The following LRIG1 variants were observed in gnomAD, a reference collection of about 807,000 sequenced individuals.
LRIG1 encodes leucine rich repeats and immunoglobulin like domains 1.
In LRIG1, 48 loss-of-function variants were observed where a neutral mutation model predicts 99.2. The ratio of observed to expected loss-of-function variants is 0.48; its 90% confidence interval spans 0.38 to 0.62. The LOEUF (loss-of-function observed/expected upper bound fraction) is 0.62. Among genes scored for constraint, LRIG1 ranks in the 20% least tolerant of loss-of-function variants. The pLI, the probability that LRIG1 is intolerant of heterozygous loss-of-function variation, is 0.00. For synonymous variants in LRIG1, 772 were observed against 596.1 expected (o/e 1.29, Z -4.30); for missense variants, 1,646 against 1,434.4 (o/e 1.15, Z -2.38).
At chr3:66,439,601 A>C (rs1703476323) in intron 3 of LRIG1, among the ~76,000 whole-genome samples, 1 of 151,924 alleles carries the variant, frequency 6.6e-6, no homozygotes, top group African/African-American at 2.4e-5. Flanking sequence ...TTACTTTTGA[A>C]GTTATAAAGA....
chr3:66,444,922 T>C (rs1009588441), intron 3 of LRIG1, among the ~76,000 whole-genome samples: 20 of 151,710 alleles, frequency 1.3e-4, no homozygotes, highest in African/African-American at 4.6e-4. Flanking sequence ...TATATACATA[T>C]ATATACATAT....
At chr3:66,447,277 A>C (rs773921134) in intron 3 of LRIG1, among the ~76,000 whole-genome samples, 14 of 152,198 alleles carry the variant, frequency 9.2e-5, no homozygotes, top group Non-Finnish European at 2.1e-4. Context: ...TATTGGCTAT[A>C]GTCACCCTGT....
chr3:66,380,589 G>A lies in LRIG1; in HGVS notation c.3043C>T (p.Leu1015=), dbSNP rs1700984976. ...AGTCAAAAGTTACCTTTCCCATCTAGAGATGCCATTGGCTTTTTCTTCACA... is the reference window on the plus strand; with the variant it reads ...AGTCAAAAGTTACCTTTCCCATCTAAAGATGCCATTGGCTTTTTCTTCACA... ...TAVKKKPMAS[L]DGKGDSSWTL... The change falls in exon 18 of 19, where the codon CTA becomes TTA. Residue 1015 remains leucine (L), a synonymous_variant. Transcript: ENST00000273261. The A allele has an allele frequency of 4.3e-6, 7 of 1,613,858 alleles. No individual in the cohort carries two copies. Among genetic ancestry groups the A allele is most frequent in the Non-Finnish European group, 5.9e-6 (7 of 1,179,766 alleles).
In LRIG1 at chr3:66,382,377, T is replaced by A. The variant is rs745720211; in HGVS notation, c.2513A>T (p.Asp838Val). 6.2e-7 allele frequency: 1 copy of A among 1,614,180 alleles called. No homozygotes were observed. Among genetic ancestry groups the A allele is most frequent in the Non-Finnish European group, 8.5e-7 (1 of 1,180,026 alleles). ...TNTDETVVPPDVPSYLSSQGT... is the reference protein window; with the variant it reads ...TNTDETVVPPVVPSYLSSQGT... ...CTGAGAAGAGAGGTAGCTTGGAACA[T>A]CTGGTGGCACGACGGTTTCATCTGC... Residue 838 changes from aspartate (D) to valine (V), a missense_variant, in exon 16 of 19, where the codon GAT becomes GTT. Physicochemically the swap from Asp to Val is radical, Grantham distance 152 (BLOSUM62 -3). Transcript: ENST00000273261.
chr3:66,435,277 G>T (rs368598014), intron 3 of LRIG1, among the ~76,000 whole-genome samples: 20 of 152,092 alleles, frequency 1.3e-4, no homozygotes, highest in Non-Finnish European at 1.6e-4. Flanking sequence ...AACCAGGGGG[G>T]GCTAGGCATG....
At chr3:66,402,171 GCATACC>G (rs1326156260) in intron 9 of LRIG1, among the ~76,000 whole-genome samples, 4 of 152,180 alleles carry the variant, frequency 2.6e-5, no homozygotes, top group African/African-American at 9.7e-5. Flanking sequence ...GCAGGAAGTC[GCATACC>G]CAGGTCACTA....
intron 12 of LRIG1, among the ~76,000 whole-genome samples, chr3:66,389,976 T>C (rs531694044): frequency 1.3e-5 from 2 of 152,196 alleles, no homozygotes; most frequent in African/African-American, 4.8e-5. Context: ...TTGAAGAAAA[T>C]TGGGTGCCCT....
At position 66,394,325 on chromosome 3, in the gene LRIG1, G is replaced by A. The variant is rs1395588763; in HGVS notation, c.1305-122C>T. Reference sequence around the variant, plus strand: ...CAAGTGAACATCAGCAAGCTGGAAGGGGGAAATGGTTTTTCTCACACTTCC... The same window carrying A: ...CAAGTGAACATCAGCAAGCTGGAAGAGGGAAATGGTTTTTCTCACACTTCC... On this transcript the variant is annotated intron_variant, in intron 11 of 18. Transcript: ENST00000273261. 9.7e-6 allele frequency: 8 copies of A among 824,388 alleles called. No individual in the cohort carries two copies. The African/African-American group carries it at 1.2e-4, about 13-fold the overall frequency. The allele number at this position is 824,388 out of a possible 1,614,324, so 51.1% of individuals were successfully genotyped here.
chr3:66,442,346 C>T (rs1253726737), intron 3 of LRIG1, among the ~76,000 whole-genome samples: 1 of 152,170 alleles, frequency 6.6e-6, no homozygotes. Flanking sequence ...GGTCACCACA[C>T]AGGTCAAAGT....
chr3:66,384,148 C>G lies in LRIG1; in HGVS notation c.1914G>C (p.Thr638=). The part of the protein sequence containing the change: ...PQIAWQKDGG[T]DFPAARERRM... Reference sequence around the variant, plus strand: ...GTCGCTCACGGGCAGCGGGGAAATCCGTGCCTCCATCCTTCTGCCAGGCAA... The same window carrying G: ...GTCGCTCACGGGCAGCGGGGAAATCGGTGCCTCCATCCTTCTGCCAGGCAA... The change falls in exon 14 of 19, where the codon ACG becomes ACC. Residue 638 remains threonine (T), a synonymous_variant. Transcript: ENST00000273261. 1 of 1,614,204 alleles carries G rather than the reference C, an allele frequency of 6.2e-7. No homozygotes were observed. Among genetic ancestry groups the G allele is most frequent in the Non-Finnish European group, 8.5e-7 (1 of 1,180,036 alleles).
At chr3:66,486,178 TAAC>T (rs1559823744) in intron 1 of LRIG1, among the ~76,000 whole-genome samples, 1 of 152,180 alleles carries the variant, frequency 6.6e-6, no homozygotes, top group African/African-American at 2.4e-5. Flanking sequence ...GTTATAATAA[TAAC>T]ATTATAGCTA....
intron 1 of LRIG1, among the ~76,000 whole-genome samples, chr3:66,499,179 A>C (rs149951748): frequency 7.2e-6 from 1 of 138,362 alleles, no homozygotes; most frequent in East Asian, 2.2e-4. Context: ...AAGTAAAAGA[A>C]GACTATTCTA....
At position 66,407,485 on chromosome 3, in the gene LRIG1, C is replaced by T. The variant is rs1234259238; in HGVS notation, c.942G>A (p.Leu314=). The part of the protein sequence containing the change: ...SFCQKLHELV[L]SFNNLTRLDE... ...CCAGCCGTGTCAGGTTGTTGAAGGA[C>T]AGGACCCTGAGGAAAGGGAGGGCAG... The change falls in exon 8 of 19, where the codon CTG becomes CTA. Residue 314 remains leucine (L), a synonymous_variant. Coordinates refer to ENST00000273261, the MANE Select transcript of LRIG1 (RefSeq NM_015541.3). 1.9e-6 allele frequency: 3 copies of T among 1,614,038 alleles called. No individual in the cohort carries two copies. The highest frequency in any genetic ancestry group is 1.7e-6 in the Non-Finnish European group (2 of 1,180,018).
At chr3:66,426,404 G>GT (rs1222151209) in intron 3 of LRIG1, among the ~76,000 whole-genome samples, 5 of 152,236 alleles carry the variant, frequency 3.3e-5, no homozygotes, top group South Asian at 2.1e-4. Context: ...ATGGCAACCA[G>GT]TTTGTGTTTC....
intron 1 of LRIG1, among the ~76,000 whole-genome samples, chr3:66,464,231 T>TA (rs1370890443): frequency 6.6e-6 from 1 of 152,202 alleles, no homozygotes; most frequent in Non-Finnish European, 1.5e-5. Flanking sequence ...GTAACTTTTG[T>TA]ATCATCATAG....
At chr3:66,427,250 A>G (rs943332454) in intron 3 of LRIG1, among the ~76,000 whole-genome samples, 2 of 152,276 alleles carry the variant, frequency 1.3e-5, no homozygotes, top group African/African-American at 4.8e-5. Flanking sequence ...ACGCACTCAA[A>G]ATAATCAAAA....
chr3:66,404,834 T>G (rs1483055293), intron 9 of LRIG1, among the ~76,000 whole-genome samples: 2 of 151,080 alleles, frequency 1.3e-5, no homozygotes. Flanking sequence ...CACACCTTAC[T>G]GACCTTTACA....
chr3:66,500,393 G>A lies in LRIG1; in HGVS notation c.15C>T (p.Val5=). 3 of 1,428,330 alleles carry A rather than the reference G, an allele frequency of 2.1e-6. No individual in the cohort carries two copies. Among genetic ancestry groups the A allele is most frequent in the Non-Finnish European group, 2.7e-6 (3 of 1,098,962 alleles). The allele number at this position is 1,428,330 out of a possible 1,614,324, so 88.5% of individuals were successfully genotyped here. Reference sequence around the variant, plus strand: ...GGCGCGGGGCCCCGAGCCCTCCCCGGACCGGCCGCGCCATCTTGTCTGGAG... The same window carrying A: ...GGCGCGGGGCCCCGAGCCCTCCCCGAACCGGCCGCGCCATCTTGTCTGGAG... The part of the protein sequence containing the change: MARP[V]RGGLGAPRRS... Residue 5 remains valine (V), a synonymous_variant, in exon 1 of 19, where the codon GTC becomes GTT. Transcript: ENST00000273261.
At chr3:66,434,706 C>A (rs1703289323) in intron 3 of LRIG1, among the ~76,000 whole-genome samples, 1 of 150,342 alleles carries the variant, frequency 6.7e-6, no homozygotes. Context: ...GAAATCATGC[C>A]ACTGCACTCC....
Sources: allele counts gnomAD v4.1 joint callset (sites outside exome capture counted in the v4.1 genomes callset), GRCh38; gene constraint gnomAD v4.1.1; transcripts MANE v1.5; gene names NCBI Gene and HGNC (gene_info 2026-07-23, HGNC 2026-07-21).